The following KIAA1328 variants were observed in gnomAD, a reference collection of about 807,000 sequenced individuals.
The protein encoded by KIAA1328 is protein hinderin.
Under a neutral mutation model 68.1 loss-of-function variants are expected in KIAA1328, and 52 were observed. The ratio of observed to expected loss-of-function variants is 0.76; its 90% CI spans 0.61 to 0.96. The LOEUF (loss-of-function observed/expected upper bound fraction) is 0.96, where lower values mean the gene tolerates loss of function less well. Ranked by LOEUF, KIAA1328 falls within the 40% of genes least tolerant of loss-of-function variation. The pLI is 0.00. For missense variants in KIAA1328, 641 were observed against 677.6 expected, an observed-to-expected ratio of 0.95 and a Z score of 0.60; for synonymous variants, 232 against 239.4, an observed-to-expected ratio of 0.97 and a Z score of 0.28.
chr18:36,842,108 A>G (rs2046879252), intron 3 of KIAA1328, among the ~76,000 whole-genome samples: 1 of 152,228 alleles, frequency 6.6e-6, no homozygotes. Flanking sequence ...TTAAAGTATC[A>G]TGAAAGTAGT....
At chr18:36,945,035 A>G (rs1329065954) in intron 5 of KIAA1328, among the ~76,000 whole-genome samples, 1 of 152,228 alleles carries the variant, frequency 6.6e-6, no homozygotes, top group Non-Finnish European at 1.5e-5. Flanking sequence ...TCTTAAGATA[A>G]ACATGAATGC....
At chr18:36,837,589 A>T (rs1410102576) in intron 3 of KIAA1328, among the ~76,000 whole-genome samples, 1 of 152,044 alleles carries the variant, frequency 6.6e-6, no homozygotes, top group Non-Finnish European at 1.5e-5. Flanking sequence ...TAAAATTTTG[A>T]TGAAGTTCAG....
intron 6 of KIAA1328, among the ~76,000 whole-genome samples, chr18:36,989,798 C>T (rs568890784): frequency 7.2e-5 from 11 of 152,166 alleles, no homozygotes; most frequent in East Asian, 5.8e-4. Flanking sequence ...GGGTTCATGC[C>T]GTTCTCCTGC....
chr18:36,963,262 AAG>A (rs1024528268), intron 6 of KIAA1328, among the ~76,000 whole-genome samples: 1 of 152,138 alleles, frequency 6.6e-6, no homozygotes, highest in African/African-American at 2.4e-5. Context: ...TTCAGGGGGT[AAG>A]AGAAAATGGT....
At chr18:37,190,942 G>A (rs2059893257) in intron 9 of KIAA1328, among the ~76,000 whole-genome samples, 1 of 152,118 alleles carries the variant, frequency 6.6e-6, no homozygotes, top group Non-Finnish European at 1.5e-5. Flanking sequence ...GGGATAGATA[G>A]TGAGTCTGTC....
intron 5 of KIAA1328, among the ~76,000 whole-genome samples, chr18:36,910,267 A>G (rs1292203738): frequency 6.6e-6 from 1 of 152,136 alleles, no homozygotes; most frequent in Non-Finnish European, 1.5e-5. Context: ...CTAACATTTA[A>G]GTCTTTAATC....
At chr18:37,036,044 G>A (rs2055013488) in intron 6 of KIAA1328, among the ~76,000 whole-genome samples, 1 of 152,128 alleles carries the variant, frequency 6.6e-6, no homozygotes, top group Admixed American at 6.5e-5. Flanking sequence ...GTCAGATTTA[G>A]ATTTAAGAAT....
In KIAA1328 at chr18:37,090,204, C is replaced by T. The variant is rs949046912; in HGVS notation, c.1232+22659C>T. ...TTCTCATTATCTCATTTATTTTAGT[C>T]CCAAATTCTTAATGCCTCACTTAAG... On this transcript the variant is annotated intron_variant, in intron 7 of 9. Transcript: ENST00000280020. 3.3e-5 allele frequency among the ~76,000 whole-genome samples: 5 copies of T among 152,032 alleles called. No homozygotes were observed. In the South Asian group the frequency reaches 6.2e-4, roughly 19 times the overall value.
chr18:36,916,744 G>T (rs1015008390), intron 5 of KIAA1328, among the ~76,000 whole-genome samples: 1 of 152,014 alleles, frequency 6.6e-6, no homozygotes, highest in Admixed American at 6.6e-5. Flanking sequence ...AATGAATGTG[G>T]TTTCTTACGT....
chr18:37,005,057 A>G (rs1293524072), intron 6 of KIAA1328, among the ~76,000 whole-genome samples: 1 of 152,102 alleles, frequency 6.6e-6, no homozygotes, highest in Non-Finnish European at 1.5e-5. Context: ...ATGAGGAGGC[A>G]AAGGCATAAG....
At chr18:36,917,499 G>A (rs911006729) in intron 5 of KIAA1328, among the ~76,000 whole-genome samples, 1 of 152,090 alleles carries the variant, frequency 6.6e-6, no homozygotes, top group Non-Finnish European at 1.5e-5. Flanking sequence ...TGTGATTATA[G>A]GCTCAAACCA....
At chr18:36,961,238 A>G (rs1008772920) in intron 6 of KIAA1328, among the ~76,000 whole-genome samples, 1 of 152,146 alleles carries the variant, frequency 6.6e-6, no homozygotes, top group African/African-American at 2.4e-5. Context: ...CAACTTAATG[A>G]AATAAAGTGA....
intron 5 of KIAA1328, among the ~76,000 whole-genome samples, chr18:36,893,468 TG>T (rs1292283955): frequency 2.9e-5 from 4 of 136,914 alleles, no homozygotes; most frequent in African/African-American, 1.1e-4. Flanking sequence ...TGTGTTTTTG[TG>T]TGTGTGTGTG....
chr18:36,958,996 GT>G (rs1241645513), intron 5 of KIAA1328, among the ~76,000 whole-genome samples: 1 of 151,116 alleles, frequency 6.6e-6, no homozygotes, highest in Non-Finnish European at 1.5e-5. Flanking sequence ...AGCTTGTTTT[GT>G]TTTTTTAATA....
At chr18:36,846,581 T>C (rs116438039) in intron 4 of KIAA1328, among the ~76,000 whole-genome samples, 195 of 151,646 alleles carry the variant, frequency 1.3e-3, no homozygotes, top group African/African-American at 4.6e-3. Flanking sequence ...AGCATTTATG[T>C]TACTCCAAAT....
chr18:36,973,231 A>G (rs1369483766), intron 6 of KIAA1328, among the ~76,000 whole-genome samples: 1 of 151,902 alleles, frequency 6.6e-6, no homozygotes, highest in African/African-American at 2.4e-5. Flanking sequence ...AGGACAGAAA[A>G]CCAAACTCCG....
chr18:37,086,506 A>T (rs1033077764), intron 7 of KIAA1328, among the ~76,000 whole-genome samples: 2 of 151,798 alleles, frequency 1.3e-5, no homozygotes, highest in Non-Finnish European at 2.9e-5. Flanking sequence ...TCTCTTTTTT[A>T]TCTTATATTC....
intron 6 of KIAA1328, among the ~76,000 whole-genome samples, chr18:36,972,306 T>C (rs1330902022): frequency 6.6e-6 from 1 of 152,246 alleles, no homozygotes; most frequent in Non-Finnish European, 1.5e-5. Flanking sequence ...TTGTAAAACC[T>C]AGTTTCAGTT....
chr18:36,874,364 T>A (rs1351779580), intron 4 of KIAA1328, among the ~76,000 whole-genome samples: 2 of 152,114 alleles, frequency 1.3e-5, no homozygotes, highest in East Asian at 3.9e-4. Context: ...CTGACTTTTT[T>A]GTGATCGCCA....
Sources: allele counts gnomAD v4.1 joint callset (sites outside exome capture counted in the v4.1 genomes callset), GRCh38; gene constraint gnomAD v4.1.1; transcripts MANE v1.5; gene names NCBI Gene and HGNC (gene_info 2026-07-23, HGNC 2026-07-21).